The following FILIP1 variants were observed in gnomAD, a reference collection of about 807,000 sequenced individuals.
The protein encoded by FILIP1 is filamin A interacting protein 1, also known as filamin-A-interacting protein 1.
FILIP1 carries 61 observed loss-of-function variants against 102.1 expected under a neutral mutation model. The ratio of observed to expected loss-of-function variants is 0.60; its 90% CI spans 0.49 to 0.74. The LOEUF (loss-of-function observed/expected upper bound fraction) is 0.74, where lower values mean the gene tolerates loss of function less well. FILIP1 is among the 30% of genes least tolerant of loss of function. The pLI is 0.00. For missense variants in FILIP1, 1,314 were observed against 1,441.2 expected (o/e 0.91, Z 1.43); for synonymous variants, 491 against 526.9 (o/e 0.93, Z 0.93).
intron 4 of FILIP1, among the ~76,000 whole-genome samples, chr6:75,316,330 C>G (rs577037999): frequency 2.0e-4 from 30 of 152,184 alleles, no homozygotes; most frequent in African/African-American, 7.0e-4. Context: ...TATAAACAAC[C>G]AATGACATGC....
In FILIP1 at chr6:75,362,729, G is replaced by T. The variant is rs758535010; in HGVS notation, c.450+15C>A. On this transcript the variant is annotated intron_variant, in intron 3 of 5. Coordinates refer to ENST00000237172, the MANE Select transcript of FILIP1 (RefSeq NM_015687.5). ...AGGTTCCCATCCAGGGGACTTGTTG[G>T]TGTCATATTTTTACCTCTGAAATCG... is the stretch of plus-strand genomic sequence containing the variant. 1.2e-6 allele frequency: 2 copies of T among 1,609,956 alleles called. No homozygotes were observed. Among genetic ancestry groups the T allele is most frequent in the Non-Finnish European group, 1.7e-6 (2 of 1,178,256 alleles).
chr6:75,308,386 A>T lies in FILIP1; in HGVS notation c.*305T>A. ...TTGAAGAGCGTGTGATTGAGTCCCC[A>T]CATCTAACTGATGAGGAAACAGGCT... On this transcript the variant is annotated 3_prime_UTR_variant, in exon 6 of 6. Coordinates refer to ENST00000237172, the MANE Select transcript of FILIP1 (RefSeq NM_015687.5). 1 of 1,084,056 alleles carries T rather than the reference A, an allele frequency of 9.2e-7. No homozygotes were observed. The highest frequency in any genetic ancestry group is 1.1e-6 in the Non-Finnish European group (1 of 870,672). The allele number at this position is 1,084,056 out of a possible 1,614,324, so 67.2% of individuals were successfully genotyped here.
chr6:75,486,227 T>C (rs1197067144), intron 1 of FILIP1, among the ~76,000 whole-genome samples: 2 of 151,766 alleles, frequency 1.3e-5, no homozygotes, highest in Non-Finnish European at 2.9e-5. Context: ...TCAAAGGAGG[T>C]GGTACAAAAT....
chr6:75,465,357 C>T (rs756170113), intron 1 of FILIP1: 19 of 437,776 alleles, frequency 4.3e-5, no homozygotes, highest in Non-Finnish European at 7.8e-5. Flanking sequence ...TAACCAGAAG[C>T]AGCCCTTTTG....
At chr6:75,414,371 A>C (rs1777180019) in intron 2 of FILIP1, among the ~76,000 whole-genome samples, 1 of 152,082 alleles carries the variant, frequency 6.6e-6, no homozygotes, top group African/African-American at 2.4e-5. Context: ...TTTTTCAGTC[A>C]CAGTCAATGT....
chr6:75,332,282 A>T (rs560556145), intron 4 of FILIP1, among the ~76,000 whole-genome samples: 1 of 152,302 alleles, frequency 6.6e-6, no homozygotes, highest in East Asian at 1.9e-4. Context: ...GTTTCAAAGT[A>T]CTTTTCAAAC....
chr6:75,409,728 C>CA (rs1438545791), intron 2 of FILIP1, among the ~76,000 whole-genome samples: 1 of 152,106 alleles, frequency 6.6e-6, no homozygotes, highest in Non-Finnish European at 1.5e-5. Context: ...CTATAGATAA[C>CA]ACCACTATTG....
chr6:75,445,640 C>A lies in FILIP1; in HGVS notation c.-6-30662G>T, dbSNP rs1355295139. 3.3e-5 allele frequency among the ~76,000 whole-genome samples: 5 copies of A among 151,800 alleles called. No individual in the cohort carries two copies. The East Asian group carries it at 9.7e-4, about 29-fold the overall frequency. On this transcript the variant is annotated intron_variant, in intron 1 of 5. Coordinates refer to ENST00000237172, the MANE Select transcript of FILIP1 (RefSeq NM_015687.5). ...TAATTTTTTTTTTTTTTACTCCCAG[C>A]ACCTACTACATCCTAGCACATCATA...
intron 1 of FILIP1, among the ~76,000 whole-genome samples, chr6:75,487,468 A>G (rs912074732): frequency 3.3e-5 from 5 of 152,172 alleles, no homozygotes; most frequent in African/African-American, 9.7e-5. Context: ...AAGGCCTAAA[A>G]TGAGTTACTT....
chr6:75,490,668 T>A (rs1351312742), intron 1 of FILIP1, among the ~76,000 whole-genome samples: 1 of 149,808 alleles, frequency 6.7e-6, no homozygotes, highest in African/African-American at 2.4e-5. Flanking sequence ...TGTGTGTGCA[T>A]GTGTGCATGC....
chr6:75,453,231 A>G (rs541020961), intron 1 of FILIP1, among the ~76,000 whole-genome samples: 2 of 152,280 alleles, frequency 1.3e-5, no homozygotes, highest in Admixed American at 6.5e-5. Flanking sequence ...TATCTTCTCC[A>G]TGAAATGTAT....
chr6:75,341,344 G>C (rs1437283397), intron 4 of FILIP1, among the ~76,000 whole-genome samples: 3 of 150,878 alleles, frequency 2.0e-5, no homozygotes, highest in Admixed American at 2.0e-4. Flanking sequence ...TTTTTTTAAA[G>C]ATGAGGTTTC....
At chr6:75,459,044 C>T (rs1364592055) in intron 1 of FILIP1, 1 of 152,128 alleles carries the variant, frequency 6.6e-6, no homozygotes, top group Non-Finnish European at 1.5e-5. Context: ...TGTATTCATA[C>T]GTCAATTCTT....
At chr6:75,321,560 C>T (rs946475111) in intron 4 of FILIP1, among the ~76,000 whole-genome samples, 2 of 151,884 alleles carry the variant, frequency 1.3e-5, no homozygotes, top group Non-Finnish European at 2.9e-5. Flanking sequence ...TTTGGGAGGC[C>T]GAGGCGGGTG....
At chr6:75,465,968 C>T (rs574535961) in intron 1 of FILIP1, among the ~76,000 whole-genome samples, 183 of 152,274 alleles carry the variant, frequency 1.2e-3, no homozygotes, top group African/African-American at 4.3e-3. Flanking sequence ...CGCCAGCCAT[C>T]GCGCTGTTCC....
intron 1 of FILIP1, among the ~76,000 whole-genome samples, chr6:75,475,272 G>C (rs1779442453): frequency 6.6e-6 from 1 of 152,212 alleles, no homozygotes; most frequent in South Asian, 2.1e-4. Context: ...AGTAGTTCCA[G>C]AGACACAGGT....
intron 1 of FILIP1, among the ~76,000 whole-genome samples, chr6:75,441,293 T>C (rs1266677162): frequency 1.3e-5 from 2 of 152,210 alleles, no homozygotes; most frequent in Admixed American, 6.5e-5. Context: ...GAGCACAGGG[T>C]TGGGGATAAG....
intron 2 of FILIP1, among the ~76,000 whole-genome samples, chr6:75,372,683 A>AAGAAAGAG (rs1481784110): frequency 2.1e-5 from 1 of 48,214 alleles, no homozygotes; most frequent in Non-Finnish European, 3.8e-5. Flanking sequence ...GAAAGAAAGA[A>AAGAAAGAG]AGAGAAAGAA....
At chr6:75,465,272 G>T in intron 1 of FILIP1, 1 of 303,388 alleles carries the variant, frequency 3.3e-6, no homozygotes. Context: ...AAGATGCACA[G>T]GGCTAACAAT....
Sources: gnomAD v4.1 joint callset for allele counts (sites outside exome capture counted in the v4.1 genomes callset) on GRCh38, gnomAD v4.1.1 for gene constraint, MANE v1.5 for transcripts, NCBI Gene and HGNC (gene_info 2026-07-23, HGNC 2026-07-21) for gene names.